The following FAIM2 variants were observed in gnomAD, a reference collection of about 807,000 sequenced individuals.
The protein encoded by FAIM2 is Fas apoptotic inhibitory molecule 2.
Under a neutral mutation model 47.4 loss-of-function variants are expected in FAIM2, and 27 were observed. The observed-to-expected ratio is 0.57, with a 90% CI of 0.42 to 0.78. The LOEUF is 0.78. Ranked by LOEUF, FAIM2 falls within the 30% of genes least tolerant of loss-of-function variation. The pLI is 0.00. For missense variants in FAIM2, 311 were observed against 389.4 expected, an observed-to-expected ratio of 0.80 and a Z score of 1.69; for synonymous variants, 156 against 159.3, an observed-to-expected ratio of 0.98 and a Z score of 0.16.
Position 49,901,312 on chromosome 12 carries a change from T to G in FAIM2, c.29A>C (p.Asn10Thr). MTQGKLSVA[N>T]KAPGTEGQQQ... The stretch of plus-strand genomic sequence containing the variant: ...CTGCCCCTCGGTCCCAGGGGCCTTG[T>G]TAGCCACGGAGAGCTATGGAGTAGA... The change falls in exon 2 of 12, where the codon AAC becomes ACC. Residue 10 changes from asparagine to threonine, a missense_variant. Coordinates refer to ENST00000320634, the MANE Select transcript of FAIM2 (RefSeq NM_012306.4). The G allele has an allele frequency of 6.3e-7, 1 of 1,590,528 alleles. No individual in the cohort carries two copies. Among genetic ancestry groups the G allele is most frequent in the Middle Eastern group, 1.7e-4 (1 of 5,984 alleles).
chr12:49,887,428 G>C lies in FAIM2; in HGVS notation c.759C>G (p.Leu253=), dbSNP rs1383336572. The C allele has an allele frequency of 2.5e-6, 4 of 1,611,476 alleles. No homozygotes were observed. Among genetic ancestry groups the C allele is most frequent in the African/African-American group, 1.3e-5 (1 of 74,850 alleles). Residue 253 remains leucine (L), a synonymous_variant, in exon 11 of 12, where the codon CTC becomes CTG. Coordinates refer to ENST00000320634, the MANE Select transcript of FAIM2 (RefSeq NM_012306.4). ...ILLPFQYVPW[L]HAVYAALGAG... ...CTCCCAGTGCTGCATAAACTGCATGGAGCCAGGGCACCTGCGGCAGAGGAA... is the reference window on the plus strand; with the variant it reads ...CTCCCAGTGCTGCATAAACTGCATGCAGCCAGGGCACCTGCGGCAGAGGAA...
chr12:49,898,365 C>A (rs1246495924), intron 2 of FAIM2, among the ~76,000 whole-genome samples: 1 of 56,242 alleles, frequency 1.8e-5, no homozygotes, highest in Non-Finnish European at 3.6e-5. Flanking sequence ...CCCTGGGGAC[C>A]AAGCTCTGCC....
At position 49,901,278 on chromosome 12, in the gene FAIM2, C is replaced by A. The variant is rs1592796329; in HGVS notation, c.63G>T (p.Val21=). ...KAPGTEGQQQ[V]HGEKKEAPAV... ...CTGGAGCCTCCTTCTTCTCGCCATG[C>A]ACCTGCTGCTGCCCCTCGGTCCCAG... Residue 21 remains valine (V), a synonymous_variant, in exon 2 of 12, where the codon GTG becomes GTT. Coordinates refer to ENST00000320634, the MANE Select transcript of FAIM2 (RefSeq NM_012306.4). 7 of 1,607,496 alleles carry A rather than the reference C, an allele frequency of 4.4e-6. No homozygotes were observed. The highest frequency in any genetic ancestry group is 1.7e-4 in the Middle Eastern group (1 of 6,044).
At chr12:49,880,161 T>TGC (rs1946800326) in intron 11 of FAIM2, among the ~76,000 whole-genome samples, 1 of 135,324 alleles carries the variant, frequency 7.4e-6, no homozygotes, top group East Asian at 2.2e-4. Flanking sequence ...TGTGTGTGCA[T>TGC]GTGTGTATGT....
intron 11 of FAIM2, among the ~76,000 whole-genome samples, chr12:49,879,108 ATG>A (rs1461278138): frequency 1.6e-5 from 2 of 124,788 alleles, no homozygotes; most frequent in African/African-American, 6.2e-5. Context: ...GAGTGTATGT[ATG>A]TGCATGTGTA....
intron 11 of FAIM2, among the ~76,000 whole-genome samples, chr12:49,879,101 T>C (rs904187988): frequency 2.2e-5 from 3 of 137,348 alleles, no homozygotes; most frequent in East Asian, 2.4e-4. Flanking sequence ...TGCATGTGAG[T>C]GTATGTATGT....
chr12:49,873,769 T>C (rs1438442192), intron 11 of FAIM2, among the ~76,000 whole-genome samples: 1 of 152,198 alleles, frequency 6.6e-6, no homozygotes, highest in African/African-American at 2.4e-5. Flanking sequence ...TGTGGTGTTC[T>C]CTGGGATGGC....
intron 11 of FAIM2, among the ~76,000 whole-genome samples, chr12:49,884,216 T>C (rs1946845129): frequency 8.7e-6 from 1 of 114,404 alleles, no homozygotes; most frequent in Admixed American, 9.7e-5. Flanking sequence ...ACAGCCAGAC[T>C]CCGTCTCAGA....
intron 11 of FAIM2, among the ~76,000 whole-genome samples, chr12:49,880,787 T>C (rs1393096530): frequency 6.6e-6 from 1 of 151,964 alleles, no homozygotes; most frequent in Non-Finnish European, 1.5e-5. Flanking sequence ...TGAGTGTGTA[T>C]GTATATGTGT....
chr12:49,874,570 G>A lies in FAIM2; in HGVS notation c.802-3917C>T, dbSNP rs950570398. Among the ~76,000 whole-genome samples the A allele has an allele frequency of 1.3e-5, 2 of 152,218 alleles. No individual in the cohort carries two copies. Among genetic ancestry groups the A allele is most frequent in the African/African-American group, 4.8e-5 (2 of 41,450 alleles). ...TGACCCTGCCATATCTGGGGCCCAG[G>A]CTTATGTCCGTTGTCCTCCCTGAAT... On this transcript the variant is annotated intron_variant, in intron 11 of 11. Coordinates refer to ENST00000320634, the MANE Select transcript of FAIM2 (RefSeq NM_012306.4). This position sits in a 1 kb window ranked among gnomAD's most constrained non-coding sequence, Gnocchi z 4.2.
intron 2 of FAIM2, among the ~76,000 whole-genome samples, chr12:49,900,642 C>T (rs572855488): frequency 6.6e-6 from 1 of 151,936 alleles, no homozygotes; most frequent in South Asian, 2.1e-4. Context: ...GATCCCCAGA[C>T]CCCTATCCCC....
intron 4 of FAIM2, 95 bp downstream of exon 4, chr12:49,897,424 G>T: frequency 8.5e-7 from 1 of 1,182,052 alleles, no homozygotes. Flanking sequence ...CATCTCTCCA[G>T]GCAGCATTCC....
chr12:49,887,692 C>T (rs1034708150), intron 10 of FAIM2, among the ~76,000 whole-genome samples: 1 of 151,876 alleles, frequency 6.6e-6, no homozygotes, highest in African/African-American at 2.4e-5. Flanking sequence ...TCCCGCAGCA[C>T]ACAGCCCTGG....
At position 49,866,925 on chromosome 12, in the gene FAIM2, C is replaced by T. The variant is rs1490724420; in HGVS notation, c.*3579G>A. ...GTGTCACAATTGCTTTTATTTTTAT[C>T]TCCAGTCAGTCACAGACCCCAGGAA... is the stretch of plus-strand genomic sequence containing the variant. On this transcript the variant is annotated 3_prime_UTR_variant, in exon 12 of 12. Transcript: ENST00000320634. 1 of 152,356 alleles carries T rather than the reference C, an allele frequency of 6.6e-6. No individual in the cohort carries two copies. The highest frequency in any genetic ancestry group is 2.4e-5 in the African/African-American group (1 of 41,440). 9.4% of individuals were successfully genotyped at this position (152,356 alleles called of 1,614,324 possible).
rs202050600 is a variant in FAIM2 at position 49,876,552 on chromosome 12, A to G, written c.802-5899T>C. Among the ~76,000 whole-genome samples, 4 of 152,042 alleles carry G rather than the reference A, an allele frequency of 2.6e-5. No individual in the cohort carries two copies. In the East Asian group the frequency reaches 7.7e-4, roughly 29 times the overall value. On this transcript the variant is annotated intron_variant, in intron 11 of 11. Coordinates refer to ENST00000320634, the MANE Select transcript of FAIM2 (RefSeq NM_012306.4). Reference sequence around the variant, plus strand: ...GCCGAGGCGGGCGGATCACCATGTCAGGAGATCGAGACCATCCTGGCTAAC... The same window carrying G: ...GCCGAGGCGGGCGGATCACCATGTCGGGAGATCGAGACCATCCTGGCTAAC...
In FAIM2 at chr12:49,897,054, G is replaced by A; in HGVS notation, c.411C>T (p.Asn137=). Residue 137 remains asparagine, a synonymous_variant, in exon 5 of 12, where the codon AAC becomes AAT. Coordinates refer to ENST00000320634, the MANE Select transcript of FAIM2 (RefSeq NM_012306.4). ...CDPVKDYVQA[N]PGWYWASYAV... is the part of the protein sequence containing the mutation. ...ACTAGGATGCCCAGTACCAGCCTGG[G>A]TTGGCCTGGACATAGTCCTTGACAG... The A allele has an allele frequency of 6.2e-7, 1 of 1,613,810 alleles. No homozygotes were observed. Among genetic ancestry groups the A allele is most frequent in the Non-Finnish European group, 8.5e-7 (1 of 1,179,672 alleles).
rs1946696048 is a variant in FAIM2 at position 49,870,663 on chromosome 12, G to A, written c.802-10C>T. On this transcript the variant is annotated splice_polypyrimidine_tract_variant and intron_variant, in intron 11 of 11. Transcript: ENST00000320634. ...TGTCAAGTGCCAGGAACTGGGAGAA[G>A]TGAGGAGAGAGAGAGAGAGGTCAGA... 6.8e-6 allele frequency: 11 copies of A among 1,613,580 alleles called. No homozygotes were observed. Among genetic ancestry groups the A allele is most frequent in the Non-Finnish European group, 9.3e-6 (11 of 1,179,928 alleles).
intron 8 of FAIM2, 115 bp downstream of exon 8, chr12:49,890,002 C>G: frequency 1.9e-6 from 2 of 1,039,204 alleles, no homozygotes; most frequent in Middle Eastern, 2.9e-4. Flanking sequence ...ATGCCTGAGC[C>G]CCCGGGCCCA....
At chr12:49,878,111 T>TGC (rs1491565086) in intron 11 of FAIM2, among the ~76,000 whole-genome samples, 1,660 of 136,564 alleles carry the variant, frequency 0.012, 90 homozygotes, top group African/African-American at 0.045. Flanking sequence ...TGCATGTGTG[T>TGC]ATGTGGGTAT....
Sources: gnomAD v4.1 joint callset for allele counts (sites outside exome capture counted in the v4.1 genomes callset) on GRCh38, gnomAD v4.1.1 for gene constraint, Gnocchi (gnomAD v3.1) non-coding constraint, MANE v1.5 for transcripts, NCBI Gene and HGNC (gene_info 2026-07-23, HGNC 2026-07-21) for gene names.